Variants in CLDN12 observed in about 807,000 individuals in gnomAD.
CLDN12 encodes the protein claudin 12.
A neutral mutation model predicts 15.5 loss-of-function variants in CLDN12; 9 were observed. That is an observed-to-expected ratio of 0.58 (90% CI 0.35 to 1.02). The LOEUF (loss-of-function observed/expected upper bound fraction) is 1.02, where lower values mean the gene tolerates loss of function less well. CLDN12 is among the 50% of genes least tolerant of loss of function. CLDN12 has a pLI of 0.02. For missense variants in CLDN12, 233 were observed against 297.3 expected (o/e 0.78, Z 1.59); for synonymous variants, 140 against 121.6 (o/e 1.15, Z -1.00).
Position 90,413,051 on chromosome 7 carries a change from T to C in CLDN12, c.375T>C (p.Cys125=), listed in dbSNP as rs1450838716. The C allele has an allele frequency of 1.9e-6, 3 of 1,614,000 alleles. No individual in the cohort carries two copies. The East Asian group carries it at 6.7e-5, about 36-fold the overall frequency. ...TGCCCAACATCAAACTGGCCAAGTGTCTGGTCAATAGTGCAGGTTGCCACC... is the reference window on the plus strand; with the variant it reads ...TGCCCAACATCAAACTGGCCAAGTGCCTGGTCAATAGTGCAGGTTGCCACC... ...SSVPNIKLAK[C]LVNSAGCHLV... is the part of the protein sequence containing the mutation. Residue 125 remains cysteine, a synonymous_variant, in exon 4 of 4, where the codon TGT becomes TGC. Transcript: ENST00000496677.
intron 2 of CLDN12, among the ~76,000 whole-genome samples, chr7:90,410,901 G>T (rs1796946766): frequency 6.6e-6 from 1 of 152,136 alleles, no homozygotes. Flanking sequence ...GGAGGCTGAG[G>T]TGGGAGGATC....
chr7:90,411,630 G>A (rs1796965500), intron 2 of CLDN12, among the ~76,000 whole-genome samples: 1 of 135,582 alleles, frequency 7.4e-6, no homozygotes, highest in African/African-American at 2.8e-5. Flanking sequence ...GAATCAACAA[G>A]GAAGTAATTG....
At chr7:90,407,968 T>C (rs1354016393) in intron 2 of CLDN12, among the ~76,000 whole-genome samples, 1 of 152,072 alleles carries the variant, frequency 6.6e-6, no homozygotes, top group Non-Finnish European at 1.5e-5. Context: ...TGGTGTAAGC[T>C]ATGGGGAGGA....
chr7:90,403,861 G>A (rs1319453741), intron 1 of CLDN12, among the ~76,000 whole-genome samples: 1 of 151,950 alleles, frequency 6.6e-6, no homozygotes, highest in African/African-American at 2.4e-5. Context: ...ACCTGCTTGC[G>A]GTTCAAACCC....
chr7:90,404,816 A>G (rs937756783), intron 1 of CLDN12, among the ~76,000 whole-genome samples: 1 of 151,454 alleles, frequency 6.6e-6, no homozygotes, highest in African/African-American at 2.4e-5. Context: ...TTTTTCTTCT[A>G]TTTCTACGTA....
In CLDN12 at chr7:90,412,982, G is replaced by C. The variant is rs751243867; in HGVS notation, c.306G>C (p.Leu102=). ...TGCTGATCGCCATGGGTGCCCTGCTGCTCTGCCTGATTGGAATGTGCAACA... is the reference window on the plus strand; with the variant it reads ...TGCTGATCGCCATGGGTGCCCTGCTCCTCTGCCTGATTGGAATGTGCAACA... ...LSMLIAMGAL[L]LCLIGMCNTA... is the part of the protein sequence containing the mutation. The change falls in exon 4 of 4, where the codon CTG becomes CTC. Residue 102 remains leucine, a synonymous_variant. Coordinates refer to ENST00000496677, the MANE Select transcript of CLDN12 (RefSeq NM_001185072.3). 35 of 1,614,162 alleles carry C rather than the reference G, an allele frequency of 2.2e-5. No individual in the cohort carries two copies. The Admixed American group carries it at 5.8e-4, about 27-fold the overall frequency.
chr7:90,404,290 G>C (rs1249029557), intron 1 of CLDN12, among the ~76,000 whole-genome samples: 1 of 151,610 alleles, frequency 6.6e-6, no homozygotes, highest in African/African-American at 2.4e-5. Context: ...GGGAGGGGTT[G>C]GGGGGGACTT....
chr7:90,404,366 A>G (rs1030252518), intron 1 of CLDN12, among the ~76,000 whole-genome samples: 1 of 152,144 alleles, frequency 6.6e-6, no homozygotes, highest in Non-Finnish European at 1.5e-5. Flanking sequence ...AGGGCTAGTG[A>G]TGAACGCCTC....
intron 1 of CLDN12, among the ~76,000 whole-genome samples, chr7:90,404,972 G>A (rs1414112680): frequency 1.3e-5 from 2 of 150,888 alleles, no homozygotes; most frequent in African/African-American, 2.4e-5. Context: ...GACTCACTGT[G>A]TCCTCAAACT....
Position 90,413,868 on chromosome 7 carries a change from A to G in CLDN12, c.*457A>G, listed in dbSNP as rs1017104. On this transcript the variant is annotated 3_prime_UTR_variant, in exon 4 of 4. Transcript: ENST00000496677. ...AAGGGTAATATTTTAATAGTAGTCA[A>G]TAATCTAGCTTAAGGCTGTAACTCT... 0.2 allele frequency: 197,191 copies of G among 996,674 alleles called. 20,699 individuals carry two copies. The highest frequency in any genetic ancestry group is 0.57 in the East Asian group (5,050 of 8,798). 61.7% of individuals were successfully genotyped at this position (996,674 alleles called of 1,614,324 possible).
intron 2 of CLDN12, among the ~76,000 whole-genome samples, chr7:90,409,471 C>T (rs1584665922): frequency 6.6e-6 from 1 of 152,196 alleles, no homozygotes; most frequent in East Asian, 1.9e-4. Flanking sequence ...ATCTACCAGC[C>T]TTGGCCTCCC....
intron 1 of CLDN12, among the ~76,000 whole-genome samples, chr7:90,404,975 C>T (rs1445004061): frequency 2.0e-5 from 3 of 151,572 alleles, no homozygotes; most frequent in Non-Finnish European, 4.4e-5. Context: ...TCACTGTGTC[C>T]TCAAACTCCT....
intron 1 of CLDN12, among the ~76,000 whole-genome samples, chr7:90,404,891 T>A (rs1796803483): frequency 7.4e-6 from 1 of 134,720 alleles, no homozygotes; most frequent in Non-Finnish European, 1.7e-5. Flanking sequence ...AGCCTTTTTA[T>A]TTTTTTTTTT....
At position 90,414,959 on chromosome 7, in the gene CLDN12, A is replaced by G. The variant is rs1269744016; in HGVS notation, c.*1548A>G. 6.0e-6 allele frequency: 1 copy of G among 167,038 alleles called. No individual in the cohort carries two copies. Among genetic ancestry groups the G allele is most frequent in the African/African-American group, 2.4e-5 (1 of 41,458 alleles). 10.3% of individuals were successfully genotyped at this position (167,038 alleles called of 1,614,324 possible). A position where few individuals can be genotyped will look rare whatever the true frequency, so the allele number is the denominator to read the frequency against. On this transcript the variant is annotated 3_prime_UTR_variant, in exon 4 of 4. Transcript: ENST00000496677. The stretch of plus-strand genomic sequence containing the variant: ...GCTTATTTAATTGGTGTAATTTACT[A>G]CATATTAGTACTATATTCGTAAGGA...
chr7:90,408,045 C>T (rs893239604), intron 2 of CLDN12, among the ~76,000 whole-genome samples: 10 of 152,114 alleles, frequency 6.6e-5, no homozygotes, highest in South Asian at 6.2e-4. Context: ...AATGGAATGG[C>T]GGATGAGGTT....
In CLDN12 at chr7:90,412,969, TG is replaced by T; in HGVS notation, c.296del (p.Gly99ValfsTer7). Reference protein sequence around the residue: ...FALPLSMLIAMGALLLCLIGM... With the variant: ...FALPLSMLIAXGALLLCLIGM... Reference sequence around the variant, plus strand: ...CTACCCCTCAGCATGCTGATCGCCATGGGTGCCCTGCTGCTCTGCCTGATTG... The same window carrying T: ...CTACCCCTCAGCATGCTGATCGCCATGGTGCCCTGCTGCTCTGCCTGATTG... On this transcript the variant is annotated frameshift_variant, in exon 4 of 4. Transcript: ENST00000496677. LOFTEE classifies it high-confidence loss of function. The T allele has an allele frequency of 1.2e-6, 2 of 1,614,182 alleles. No homozygotes were observed. Among genetic ancestry groups the T allele is most frequent in the Non-Finnish European group, 8.5e-7 (1 of 1,180,030 alleles).
chr7:90,406,859 C>G (rs1439698764), intron 2 of CLDN12, among the ~76,000 whole-genome samples: 1 of 152,128 alleles, frequency 6.6e-6, no homozygotes. Context: ...TTAAAGTGTT[C>G]TTAGCCTTGC....
intron 1 of CLDN12, chr7:90,403,777 T>C (rs934078482): frequency 4.6e-5 from 7 of 152,154 alleles, no homozygotes; most frequent in Non-Finnish European, 8.8e-5. Context: ...CTGGGAGCTT[T>C]GCTGGCGCGG....
intron 2 of CLDN12, among the ~76,000 whole-genome samples, chr7:90,407,011 T>A (rs1192600945): frequency 6.6e-6 from 1 of 152,178 alleles, no homozygotes; most frequent in Non-Finnish European, 1.5e-5. Flanking sequence ...TATGTCTAAT[T>A]CATGACATAC....
Sources: allele counts gnomAD v4.1 joint callset (sites outside exome capture counted in the v4.1 genomes callset), GRCh38; gene constraint gnomAD v4.1.1; transcripts MANE v1.5; gene names NCBI Gene and HGNC (gene_info 2026-07-23, HGNC 2026-07-21).